The following ZCCHC3 variants were observed in gnomAD, a reference collection of about 807,000 sequenced individuals.
ZCCHC3 encodes the protein zinc finger CCHC-type containing 3.
A neutral mutation model predicts 18.4 loss-of-function variants in ZCCHC3; 20 were observed. The ratio of observed to expected loss-of-function variants is 1.09; its 90% CI spans 0.76 to 1.58. The LOEUF is 1.58. Ranked by LOEUF, ZCCHC3 falls within the 40% of genes most tolerant of loss-of-function variation. The pLI is 0.00. For synonymous variants in ZCCHC3, 310 were observed against 232.7 expected, an observed-to-expected ratio of 1.33 and a Z score of -3.02; for missense variants, 548 against 511.2, an observed-to-expected ratio of 1.07 and a Z score of -0.69.
At position 299,793 on chromosome 20, in the gene ZCCHC3, G is replaced by A. The variant is rs538374451; in HGVS notation, c.*995G>A. 36 of 167,332 alleles carry A rather than the reference G, an allele frequency of 2.2e-4. No homozygotes were observed. Among genetic ancestry groups the A allele is most frequent in the Non-Finnish European group, 4.4e-4 (30 of 68,280 alleles). 10.4% of individuals were successfully genotyped at this position (167,332 alleles called of 1,614,324 possible). ...CCTGGAGGAGGGAGCAGAAAGAGAA[G>A]GTTTTTAAGGAGGGGCTTCTGAATA... On this transcript the variant is annotated 3_prime_UTR_variant, in exon 1 of 1. Coordinates refer to ENST00000500893, the MANE Select transcript of ZCCHC3 (RefSeq NM_033089.7).
Position 298,769 on chromosome 20 carries a change from G to A in ZCCHC3, c.1183G>A (p.Ala395Thr), listed in dbSNP as rs748254476. 2.0e-6 allele frequency: 3 copies of A among 1,527,344 alleles called. No individual in the cohort carries two copies. Among genetic ancestry groups the A allele is most frequent in the Admixed American group, 4.2e-5 (2 of 47,722 alleles). The allele number at this position is 1,527,344 out of a possible 1,614,324, so 94.6% of individuals were successfully genotyped here. The change falls in exon 1 of 1, where the codon GCT becomes ACT. Residue 395 changes from alanine to threonine, a missense_variant. Coordinates refer to ENST00000500893, the MANE Select transcript of ZCCHC3 (RefSeq NM_033089.7). ...CPKAVHNSVA[A>T]QLTGVAGH is the part of the protein sequence containing the mutation. ...CAAAGCAGTGCACAATTCCGTGGCAGCTCAGCTAACCGGCGTGGCCGGGCA... is the reference window on the plus strand; with the variant it reads ...CAAAGCAGTGCACAATTCCGTGGCAACTCAGCTAACCGGCGTGGCCGGGCA...
Position 297,825 on chromosome 20 carries a change from G to A in ZCCHC3, c.239G>A (p.Gly80Asp). 7.9e-7 allele frequency: 1 copy of A among 1,261,160 alleles called. No individual in the cohort carries two copies. Among genetic ancestry groups the A allele is most frequent in the South Asian group, 3.2e-5 (1 of 30,976 alleles). The allele number at this position is 1,261,160 out of a possible 1,614,324, so 78.1% of individuals were successfully genotyped here. A position where few individuals can be genotyped will look rare whatever the true frequency, so the allele number is the denominator to read the frequency against. Residue 80 changes from glycine (G) to aspartate (D), a missense_variant, in exon 1 of 1, where the codon GGC becomes GAC. By Grantham distance (94) the Gly-to-Asp change is moderately conservative. Transcript: ENST00000500893. ...GGSAGLGGPA[G>D]LAAPDLGDFP... The stretch of plus-strand genomic sequence containing the variant: ...AGCGCCGGGCTCGGCGGCCCCGCGG[G>A]CCTGGCGGCGCCGGACCTCGGCGAC...
At position 298,770 on chromosome 20, in the gene ZCCHC3, C is replaced by A; in HGVS notation, c.1184C>A (p.Ala395Asp). Residue 395 changes from alanine (A) to aspartate (D), a missense_variant, in exon 1 of 1, where the codon GCT becomes GAT. Coordinates refer to ENST00000500893, the MANE Select transcript of ZCCHC3 (RefSeq NM_033089.7). ...CPKAVHNSVA[A>D]QLTGVAGH is the part of the protein sequence containing the mutation. ...AAAGCAGTGCACAATTCCGTGGCAG[C>A]TCAGCTAACCGGCGTGGCCGGGCAC... 6.6e-7 allele frequency: 1 copy of A among 1,523,826 alleles called. No homozygotes were observed. 94.4% of individuals were successfully genotyped at this position (1,523,826 alleles called of 1,614,324 possible). A position where few individuals can be genotyped will look rare whatever the true frequency, so the allele number is the denominator to read the frequency against.
At position 300,143 on chromosome 20, in the gene ZCCHC3, C is replaced by T. The variant is rs571794160; in HGVS notation, c.*1345C>T. ...TCTAAAATGTACTTGGGAGATAGGC[C>T]AAGCGAGAGGTCATGGGCCAACTAA... is the stretch of plus-strand genomic sequence containing the variant. On this transcript the variant is annotated 3_prime_UTR_variant, in exon 1 of 1. Coordinates refer to ENST00000500893, the MANE Select transcript of ZCCHC3 (RefSeq NM_033089.7). The T allele has an allele frequency of 6.0e-6, 1 of 167,158 alleles. No individual in the cohort carries two copies. Among genetic ancestry groups the T allele is most frequent in the South Asian group, 2.1e-4 (1 of 4,818 alleles). The allele number at this position is 167,158 out of a possible 1,614,324, so 10.4% of individuals were successfully genotyped here.
rs764658467 is a variant in ZCCHC3 at position 298,085 on chromosome 20, G to A, written c.499G>A (p.Val167Ile). ...AAGPGKGRFLVRICFQGDEGA... is the reference protein window; with the variant it reads ...AAGPGKGRFLIRICFQGDEGA... ...AGGCCCGGGCAAGGGTCGCTTCCTCGTCCGCATCTGTTTCCAGGGAGACGA... is the reference window on the plus strand; with the variant it reads ...AGGCCCGGGCAAGGGTCGCTTCCTCATCCGCATCTGTTTCCAGGGAGACGA... Residue 167 changes from valine to isoleucine, a missense_variant, in exon 1 of 1, where the codon GTC (valine) becomes ATC (isoleucine). Transcript: ENST00000500893. 3 of 1,574,100 alleles carry A rather than the reference G, an allele frequency of 1.9e-6. No individual in the cohort carries two copies. In the South Asian group the frequency reaches 3.4e-5, roughly 18 times the overall value.
In ZCCHC3 at chr20:297,897, C is replaced by T. The variant is rs2012669488; in HGVS notation, c.311C>T (p.Pro104Leu). 4 of 1,257,842 alleles carry T rather than the reference C, an allele frequency of 3.2e-6. No homozygotes were observed. Among genetic ancestry groups the T allele is most frequent in the Non-Finnish European group, 4.0e-6 (4 of 1,002,258 alleles). 77.9% of individuals were successfully genotyped at this position (1,257,842 alleles called of 1,614,324 possible). A position where few individuals can be genotyped will look rare whatever the true frequency, so the allele number is the denominator to read the frequency against. ...GATCCGAAGGGCCGTCGGAGAGATC[C>T]GGCCGGCGAGGCGGTGGACCCCCGC... ...RGDPKGRRRD[P>L]AGEAVDPRKK... The change falls in exon 1 of 1, where the codon CCG becomes CTG. Residue 104 changes from proline (P) to leucine (L), a missense_variant. Transcript: ENST00000500893.
rs1259008499 is a variant in ZCCHC3, at chr20:297,715, G to T, written c.129G>T (p.Val43=). The T allele has an allele frequency of 6.5e-6, 9 of 1,381,802 alleles. No individual in the cohort carries two copies. The highest frequency in any genetic ancestry group is 8.4e-6 in the Non-Finnish European group (9 of 1,065,994). The allele number at this position is 1,381,802 out of a possible 1,614,324, so 85.6% of individuals were successfully genotyped here. The change falls in exon 1 of 1, where the codon GTG becomes GTT. Residue 43 remains valine (V), a synonymous_variant. Transcript: ENST00000500893. ...GGREKMGWAQ[V]VKNLAEKKGE... ...GCGAGAAGATGGGCTGGGCCCAGGTGGTGAAGAATCTAGCCGAGAAGAAGG... is the reference window on the plus strand; with the variant it reads ...GCGAGAAGATGGGCTGGGCCCAGGTTGTGAAGAATCTAGCCGAGAAGAAGG...
rs143844000 is a variant in ZCCHC3 at position 299,105 on chromosome 20, G to GCCCCCCCCCCCCCCC, written c.*313_*314insCCCCCCCCCCCCCCC. On this transcript the variant is annotated 3_prime_UTR_variant, in exon 1 of 1. Coordinates refer to ENST00000500893, the MANE Select transcript of ZCCHC3 (RefSeq NM_033089.7). ...TCTTGTACTTTTTCTCTCTCTCCTT[G>GCCCCCCCCCCCCCCC]CCCCCCTCCCGCCCTCCCCGCCCCA... 1 of 235,670 alleles carries GCCCCCCCCCCCCCCC rather than the reference G, an allele frequency of 4.2e-6. No individual in the cohort carries two copies. The highest frequency in any genetic ancestry group is 2.5e-5 in the African/African-American group (1 of 40,648). 14.6% of individuals were successfully genotyped at this position (235,670 alleles called of 1,614,324 possible). A position where few individuals can be genotyped will look rare whatever the true frequency, so the allele number is the denominator to read the frequency against.
In ZCCHC3 at chr20:298,980, C is replaced by G. The variant is rs2012700357; in HGVS notation, c.*182C>G. ...TTCAGCCTGTTCTGAATTGGTGACTCTGTCACCAATAACGACTGCGGAGAA... is the reference window on the plus strand; with the variant it reads ...TTCAGCCTGTTCTGAATTGGTGACTGTGTCACCAATAACGACTGCGGAGAA... On this transcript the variant is annotated 3_prime_UTR_variant, in exon 1 of 1. Transcript: ENST00000500893. 1.9e-5 allele frequency: 10 copies of G among 515,022 alleles called. No individual in the cohort carries two copies. Among genetic ancestry groups the G allele is most frequent in the Non-Finnish European group, 2.6e-5 (8 of 310,378 alleles). 31.9% of individuals were successfully genotyped at this position (515,022 alleles called of 1,614,324 possible). A position where few individuals can be genotyped will look rare whatever the true frequency, so the allele number is the denominator to read the frequency against.
Position 297,623 on chromosome 20 carries a change from C to T in ZCCHC3, c.37C>T (p.Arg13Trp), listed in dbSNP as rs2012660555. The T allele has an allele frequency of 8.7e-6, 12 of 1,377,530 alleles. No individual in the cohort carries two copies. In the East Asian group the frequency reaches 1.2e-4, roughly 14 times the overall value. 85.3% of individuals were successfully genotyped at this position (1,377,530 alleles called of 1,614,324 possible). A position where few individuals can be genotyped will look rare whatever the true frequency, so the allele number is the denominator to read the frequency against. The part of the protein sequence containing the change: ...TGGGAEEERK[R>W]GRPQLLPPAR... ...CGGCGGCGCGGAGGAAGAGAGGAAA[C>T]GGGGGCGGCCGCAGCTTCTGCCCCC... is the stretch of plus-strand genomic sequence containing the variant. The change falls in exon 1 of 1, where the codon CGG (arginine) becomes TGG (tryptophan). Residue 13 changes from arginine (R) to tryptophan (W), a missense_variant. Arg to Trp is a moderately radical substitution (Grantham distance 101). Coordinates refer to ENST00000500893, the MANE Select transcript of ZCCHC3 (RefSeq NM_033089.7).
In ZCCHC3 at chr20:298,055, G is replaced by A. The variant is rs1168640627; in HGVS notation, c.469G>A (p.Ala157Thr). 6.6e-7 allele frequency: 1 copy of A among 1,513,386 alleles called. No homozygotes were observed. Among genetic ancestry groups the A allele is most frequent in the South Asian group, 1.2e-5 (1 of 81,898 alleles). The allele number at this position is 1,513,386 out of a possible 1,614,324, so 93.7% of individuals were successfully genotyped here. The change falls in exon 1 of 1, where the codon GCG (alanine) becomes ACG (threonine). Residue 157 changes from alanine (A) to threonine (T), a missense_variant. Transcript: ENST00000500893. ...GCCCCTCCAGGATGAGCCGGCGGCG[G>A]CGGCAGGCCCGGGCAAGGGTCGCTT... ...ERPLQDEPAA[A>T]AGPGKGRFLV...
rs1051991851 is a variant in ZCCHC3, at chr20:297,650, G to C, written c.64G>C (p.Ala22Pro). Reference protein sequence around the residue: ...KRGRPQLLPPARPAARGEEAD... With the variant: ...KRGRPQLLPPPRPAARGEEAD... ...GGGGCGGCCGCAGCTTCTGCCCCCC[G>C]CGCGGCCCGCGGCCCGGGGCGAGGA... Residue 22 changes from alanine to proline, a missense_variant, in exon 1 of 1, where the codon GCG becomes CCG. Transcript: ENST00000500893. 1.9e-4 allele frequency: 266 copies of C among 1,371,408 alleles called. No individual in the cohort carries two copies. The highest frequency in any genetic ancestry group is 1.2e-3 in the Middle Eastern group (5 of 4,036). 85.0% of individuals were successfully genotyped at this position (1,371,408 alleles called of 1,614,324 possible). A position where few individuals can be genotyped will look rare whatever the true frequency, so the allele number is the denominator to read the frequency against.
Position 298,814 on chromosome 20 carries a change from C to T in ZCCHC3, c.*16C>T, listed in dbSNP as rs767113214. On this transcript the variant is annotated 3_prime_UTR_variant, in exon 1 of 1. Transcript: ENST00000500893. The stretch of plus-strand genomic sequence containing the variant: ...CGGGCACTAAACACCCGCCTGCCTG[C>T]CAGGGTGAACACACAGCCAGCTTAT... 2 of 1,499,440 alleles carry T rather than the reference C, an allele frequency of 1.3e-6. No individual in the cohort carries two copies. The highest frequency in any genetic ancestry group is 1.4e-5 in the South Asian group (1 of 73,044). 92.9% of individuals were successfully genotyped at this position (1,499,440 alleles called of 1,614,324 possible).
At position 297,726 on chromosome 20, in the gene ZCCHC3, T is replaced by G. The variant is rs1371471402; in HGVS notation, c.140T>G (p.Leu47Arg). ...GGCTGGGCCCAGGTGGTGAAGAATC[T>G]AGCCGAGAAGAAGGGCGAATTCCGC... ...KMGWAQVVKN[L>R]AEKKGEFREP... is the part of the protein sequence containing the mutation. Residue 47 changes from leucine (L) to arginine (R), a missense_variant, in exon 1 of 1, where the codon CTA becomes CGA. Leu to Arg is a moderately radical substitution (Grantham distance 102). Coordinates refer to ENST00000500893, the MANE Select transcript of ZCCHC3 (RefSeq NM_033089.7). 1.5e-6 allele frequency: 2 copies of G among 1,373,574 alleles called. No homozygotes were observed. The highest frequency in any genetic ancestry group is 1.9e-6 in the Non-Finnish European group (2 of 1,059,142). 85.1% of individuals were successfully genotyped at this position (1,373,574 alleles called of 1,614,324 possible).
Position 297,905 on chromosome 20 carries a change from G to A in ZCCHC3, c.319G>A (p.Glu107Lys). The A allele has an allele frequency of 7.9e-7, 1 of 1,259,340 alleles. No homozygotes were observed. Among genetic ancestry groups the A allele is most frequent in the Non-Finnish European group, 1.0e-6 (1 of 1,003,128 alleles). 78.0% of individuals were successfully genotyped at this position (1,259,340 alleles called of 1,614,324 possible). A position where few individuals can be genotyped will look rare whatever the true frequency, so the allele number is the denominator to read the frequency against. The change falls in exon 1 of 1, where the codon GAG (glutamate) becomes AAG (lysine). Residue 107 changes from glutamate (E) to lysine (K), a missense_variant. Glu to Lys is a moderately conservative substitution (Grantham distance 56). Transcript: ENST00000500893. ...GGGCCGTCGGAGAGATCCGGCCGGC[G>A]AGGCGGTGGACCCCCGCAAAAAGAA... is the stretch of plus-strand genomic sequence containing the variant. ...PKGRRRDPAG[E>K]AVDPRKKKGA...
chr20:299,803 G>A lies in ZCCHC3; in HGVS notation c.*1005G>A, dbSNP rs528128129. On this transcript the variant is annotated 3_prime_UTR_variant, in exon 1 of 1. Transcript: ENST00000500893. ...GGAGCAGAAAGAGAAGGTTTTTAAG[G>A]AGGGGCTTCTGAATACTTGGGAGAT... The A allele has an allele frequency of 1.2e-5, 2 of 167,388 alleles. No homozygotes were observed. The highest frequency in any genetic ancestry group is 3.9e-4 in the East Asian group (2 of 5,192). The allele number at this position is 167,388 out of a possible 1,614,324, so 10.4% of individuals were successfully genotyped here.
Position 298,943 on chromosome 20 carries a change from A to T in ZCCHC3, c.*145A>T. ...CATCTCTCTATGCCTTCTTAAACCG[A>T]GTTTACTCCATTTCAGCCTGTTCTG... is the stretch of plus-strand genomic sequence containing the variant. On this transcript the variant is annotated 3_prime_UTR_variant, in exon 1 of 1. Coordinates refer to ENST00000500893, the MANE Select transcript of ZCCHC3 (RefSeq NM_033089.7). The T allele has an allele frequency of 2.5e-5, 20 of 791,206 alleles. No homozygotes were observed. The highest frequency in any genetic ancestry group is 7.3e-5 in the East Asian group (2 of 27,422). 49.0% of individuals were successfully genotyped at this position (791,206 alleles called of 1,614,324 possible).
In ZCCHC3 at chr20:298,003, C is replaced by T. The variant is rs1335153630; in HGVS notation, c.417C>T (p.Pro139=). Residue 139 remains proline (P), a synonymous_variant, in exon 1 of 1, where the codon CCC becomes CCT. Coordinates refer to ENST00000500893, the MANE Select transcript of ZCCHC3 (RefSeq NM_033089.7). ...CCGCCATGGCGACCCCGGCCAGGCCCGGCGAGGCCGAGGACGCGGCCGAGC... is the reference window on the plus strand; with the variant it reads ...CCGCCATGGCGACCCCGGCCAGGCCTGGCGAGGCCGAGGACGCGGCCGAGC... The part of the protein sequence containing the change: ...AAAAMATPAR[P]GEAEDAAERP... 1.4e-6 allele frequency: 2 copies of T among 1,389,954 alleles called. No individual in the cohort carries two copies. The highest frequency in any genetic ancestry group is 9.3e-7 in the Non-Finnish European group (1 of 1,078,100). The allele number at this position is 1,389,954 out of a possible 1,614,324, so 86.1% of individuals were successfully genotyped here.
rs139935493 is a variant in ZCCHC3 at position 299,399 on chromosome 20, A to G, written c.*601A>G. 2.6e-4 allele frequency: 43 copies of G among 167,228 alleles called. 1 individual carries two copies. The East Asian group carries it at 8.1e-3, about 31-fold the overall frequency. The allele number at this position is 167,228 out of a possible 1,614,324, so 10.4% of individuals were successfully genotyped here. On this transcript the variant is annotated 3_prime_UTR_variant, in exon 1 of 1. Coordinates refer to ENST00000500893, the MANE Select transcript of ZCCHC3 (RefSeq NM_033089.7). ...TATAATCTGAATCAATAAGCTCTGAATGGTGGCCAAGGGCCTCTCTTATGG... is the reference window on the plus strand; with the variant it reads ...TATAATCTGAATCAATAAGCTCTGAGTGGTGGCCAAGGGCCTCTCTTATGG...
Sources: allele counts gnomAD v4.1 joint callset, GRCh38; gene constraint gnomAD v4.1.1; transcripts MANE v1.5; gene names NCBI Gene and HGNC (gene_info 2026-07-23, HGNC 2026-07-21).